Variants in ADGB observed in about 807,000 individuals in gnomAD.
ADGB encodes calpain-7-like protein.
Under a neutral mutation model 210.5 loss-of-function variants are expected in ADGB, and 172 were observed. The observed-to-expected ratio is 0.82, with a 90% CI of 0.72 to 0.93. The LOEUF (loss-of-function observed/expected upper bound fraction) is 0.93, where lower values mean the gene tolerates loss of function less well. Among genes scored for constraint, ADGB ranks in the 40% least tolerant of loss-of-function variants. The probability of loss-of-function intolerance (pLI) is 0.00; values close to 1 mark genes in which losing one functional copy is unlikely to be tolerated. For missense variants in ADGB, 2,025 were observed against 1,964.8 expected, an observed-to-expected ratio of 1.03 and a Z score of -0.58; for synonymous variants, 658 against 662.7, an observed-to-expected ratio of 0.99 and a Z score of 0.11.
At chr6:146,604,336 G>GT (rs1350083718) in intron 1 of ADGB, among the ~76,000 whole-genome samples, 5 of 152,212 alleles carry the variant, frequency 3.3e-5, no homozygotes, top group Admixed American at 2.0e-4. Context: ...CGCAGGGGAA[G>GT]TGATAGCATT....
intron 3 of ADGB, among the ~76,000 whole-genome samples, chr6:146,649,328 T>TCA (rs1389262127): frequency 6.6e-6 from 1 of 151,980 alleles, no homozygotes; most frequent in African/African-American, 2.4e-5. Flanking sequence ...TAAAAAAAAG[T>TCA]CACACAAAGA....
At chr6:146,788,026 A>G (rs140294590) in intron 32 of ADGB, among the ~76,000 whole-genome samples, 1 of 152,154 alleles carries the variant, frequency 6.6e-6, no homozygotes, top group Non-Finnish European at 1.5e-5. Flanking sequence ...CCCTGCAGAG[A>G]GGAACACCCT....
intron 30 of ADGB, among the ~76,000 whole-genome samples, chr6:146,783,826 G>A (rs943136800): frequency 3.3e-5 from 5 of 152,006 alleles, no homozygotes; most frequent in Non-Finnish European, 7.4e-5. Flanking sequence ...CCTCACCTAC[G>A]TAAAACTTGT....
chr6:146,716,304 T>G, intron 14 of ADGB, among the ~76,000 whole-genome samples: 1 of 147,094 alleles, frequency 6.8e-6, no homozygotes, highest in Admixed American at 6.6e-5. Flanking sequence ...CTAAAGAATC[T>G]GTGAGGGCCG....
At chr6:146,685,416 A>C (rs17076201) in intron 9 of ADGB, among the ~76,000 whole-genome samples, 2,088 of 152,152 alleles carry the variant, frequency 0.014, 54 homozygotes, top group African/African-American at 0.047. Context: ...ATTCCTTTTG[A>C]ACATTCTCAT....
At chr6:146,635,265 A>T in intron 1 of ADGB, 110 bp from the exon 2 acceptor site, 1 of 951,944 alleles carries the variant, frequency 1.1e-6, no homozygotes, top group Non-Finnish European at 1.4e-6. Flanking sequence ...TTAAAAATGT[A>T]GTTAGTATGA....
intron 28 of ADGB, among the ~76,000 whole-genome samples, chr6:146,764,681 A>T (rs943737825): frequency 3.9e-5 from 6 of 152,256 alleles, no homozygotes; most frequent in African/African-American, 1.4e-4. Flanking sequence ...TTTTAAAGTT[A>T]TATAAAAATA....
Position 146,744,525 on chromosome 6 carries a change from C to G in ADGB, c.3178-1397C>G, listed in dbSNP as rs555658912. Among the ~76,000 whole-genome samples, 10 of 152,348 alleles carry G rather than the reference C, an allele frequency of 6.6e-5. No homozygotes were observed. The East Asian group carries it at 1.9e-3, about 29-fold the overall frequency. Reference sequence around the variant, plus strand: ...GAATAGGTTTTATCTTTGAGGTTCACATGAGACATGCTTTTTATGAGCTGC... The same window carrying G: ...GAATAGGTTTTATCTTTGAGGTTCAGATGAGACATGCTTTTTATGAGCTGC... On this transcript the variant is annotated intron_variant, in intron 25 of 35. Coordinates refer to ENST00000397944, the MANE Select transcript of ADGB (RefSeq NM_024694.4).
chr6:146,755,300 C>T (rs192701435), intron 27 of ADGB, among the ~76,000 whole-genome samples: 2 of 152,124 alleles, frequency 1.3e-5, no homozygotes, highest in East Asian at 3.9e-4. Context: ...GATATATGGA[C>T]TGGCTTTGTG....
At chr6:146,708,948 TCA>T (rs767277773) in intron 13 of ADGB, among the ~76,000 whole-genome samples, 46 of 152,304 alleles carry the variant, frequency 3.0e-4, no homozygotes, top group Non-Finnish European at 4.9e-4. Context: ...GTCTTCAATT[TCA>T]CAGTTTCTTT....
At chr6:146,654,296 C>A (rs1034288702) in intron 4 of ADGB, 90 bp downstream of exon 4, 40 of 736,134 alleles carry the variant, frequency 5.4e-5, no homozygotes, top group Non-Finnish European at 7.9e-5. Flanking sequence ...TCAACTCTCC[C>A]TTGCTCACCT....
At chr6:146,778,847 T>C (rs1290556473) in intron 29 of ADGB, among the ~76,000 whole-genome samples, 9 of 152,054 alleles carry the variant, frequency 5.9e-5, no homozygotes, top group Admixed American at 3.9e-4. Context: ...GCAGTGAAAA[T>C]GGCAGGGTAA....
chr6:146,747,468 G>C (rs1338453055), intron 26 of ADGB, among the ~76,000 whole-genome samples: 3 of 152,134 alleles, frequency 2.0e-5, no homozygotes, highest in Non-Finnish European at 4.4e-5. Flanking sequence ...AAGGTGAAGA[G>C]GGAGCTGCTT....
chr6:146,698,735 A>C (rs1341989687), intron 12 of ADGB, among the ~76,000 whole-genome samples: 4 of 151,880 alleles, frequency 2.6e-5, no homozygotes, highest in African/African-American at 9.7e-5. Flanking sequence ...TTTTTTCTCA[A>C]ACTTTTGGGG....
chr6:146,684,458 C>CTGTA (rs1562273667), intron 9 of ADGB, among the ~76,000 whole-genome samples: 1 of 151,982 alleles, frequency 6.6e-6, no homozygotes, highest in Non-Finnish European at 1.5e-5. Flanking sequence ...AGTAACTGGA[C>CTGTA]TGTAAATTAC....
chr6:146,801,028 AT>A lies in ADGB; in HGVS notation c.4538-154del, dbSNP rs1393300666. Among the ~76,000 whole-genome samples the A allele has an allele frequency of 5.9e-5, 9 of 151,566 alleles. No homozygotes were observed. In the East Asian group the frequency reaches 1.7e-3, roughly 29 times the overall value. On this transcript the variant is annotated intron_variant, in intron 33 of 35. Transcript: ENST00000397944. ...AAACAAAATATAAGCATATAATTAT[AT>A]ATATTATTAACATTATGTTAAATAA...
intron 35 of ADGB, chr6:146,802,320 T>C (rs1327702056): frequency 5.4e-6 from 1 of 184,418 alleles, no homozygotes; most frequent in Admixed American, 6.1e-5. Context: ...ATTAATCAGC[T>C]TGAGACATAC....
At position 146,722,069 on chromosome 6, in the gene ADGB, G is replaced by A. The variant is rs966456330; in HGVS notation, c.2095+564G>A. On this transcript the variant is annotated intron_variant, in intron 17 of 35. Coordinates refer to ENST00000397944, the MANE Select transcript of ADGB (RefSeq NM_024694.4). ...CACTCAATCTGTTAGTGTTGTAGTT[G>A]TTGACCTATAAATGTCATCATTCTT... Among the ~76,000 whole-genome samples the A allele has an allele frequency of 2.0e-5, 3 of 152,004 alleles. No homozygotes were observed. In the East Asian group the frequency reaches 5.8e-4, roughly 29 times the overall value.
At chr6:146,716,755 C>A in intron 14 of ADGB, 128 bp from the exon 15 acceptor site, 1 of 805,690 alleles carries the variant, frequency 1.2e-6, no homozygotes, top group Non-Finnish European at 1.9e-6. Flanking sequence ...ATGTATGAAG[C>A]CTGGATTATC....
Sources: allele counts gnomAD v4.1 joint callset (sites outside exome capture counted in the v4.1 genomes callset), GRCh38; gene constraint gnomAD v4.1.1; transcripts MANE v1.5; gene names NCBI Gene and HGNC (gene_info 2026-07-23, HGNC 2026-07-21).